The following TBC1D5 variants were observed in gnomAD, a reference collection of about 807,000 sequenced individuals.
TBC1D5 encodes TBC1 domain family, member 5.
A neutral mutation model predicts 100.3 loss-of-function variants in TBC1D5; 75 were observed. The observed-to-expected ratio is 0.75, with a 90% CI of 0.62 to 0.91. TBC1D5 has a LOEUF of 0.91. TBC1D5 is among the 40% of genes least tolerant of loss of function. The pLI is 0.00. For synonymous variants in TBC1D5, 323 were observed against 325.6 expected (o/e 0.99, Z 0.09); for missense variants, 910 against 942.4 (o/e 0.97, Z 0.45).
rs370684870 is a variant in TBC1D5, at chr3:17,267,913, G to A, written c.1246-9322C>T. ...TATTGTAAAAACCCATTCTTACCAAGGTCATTTGCTTCCACTGTATTTTTT... is the reference window on the plus strand; with the variant it reads ...TATTGTAAAAACCCATTCTTACCAAAGTCATTTGCTTCCACTGTATTTTTT... On this transcript the variant is annotated intron_variant, in intron 15 of 21. Transcript: ENST00000253692. Among the ~76,000 whole-genome samples, 14 of 152,122 alleles carry A rather than the reference G, an allele frequency of 9.2e-5. No individual in the cohort carries two copies. The East Asian group carries it at 9.7e-4, about 10-fold the overall frequency.
At chr3:17,187,061 T>C (rs1382168578) in intron 18 of TBC1D5, among the ~76,000 whole-genome samples, 1 of 152,184 alleles carries the variant, frequency 6.6e-6, no homozygotes, top group African/African-American at 2.4e-5. Context: ...GGCTTGAATT[T>C]CCCTCGTTAT....
chr3:17,467,286 CTT>C (rs11299814), intron 3 of TBC1D5, among the ~76,000 whole-genome samples: 35,724 of 121,592 alleles, frequency 0.29, 4,659 homozygotes, highest in Middle Eastern at 0.4. Flanking sequence ...GCCAGACCTT[CTT>C]TTTTTTTTTT....
At chr3:17,387,008 C>T (rs957635483) in intron 8 of TBC1D5, among the ~76,000 whole-genome samples, 13 of 152,080 alleles carry the variant, frequency 8.5e-5, no homozygotes, top group Admixed American at 1.3e-4. Flanking sequence ...AAACAGCACA[C>T]CAACTATGAT....
intron 8 of TBC1D5, among the ~76,000 whole-genome samples, chr3:17,390,585 G>A (rs2093322723): frequency 6.6e-6 from 1 of 152,078 alleles, no homozygotes; most frequent in Non-Finnish European, 1.5e-5. Flanking sequence ...ATAGGACAAA[G>A]AAGCACAGAA....
intron 13 of TBC1D5, among the ~76,000 whole-genome samples, chr3:17,352,979 G>GA (rs925999894): frequency 5.9e-5 from 9 of 151,662 alleles, no homozygotes; most frequent in Admixed American, 2.6e-4. Flanking sequence ...AACAGTAAAA[G>GA]AAAAAAAAGA....
intron 3 of TBC1D5, among the ~76,000 whole-genome samples, chr3:17,444,111 A>C (rs2094726857): frequency 6.6e-6 from 1 of 152,292 alleles, no homozygotes; most frequent in Admixed American, 6.5e-5. Context: ...TGTAAAAACT[A>C]ATTTAACCCA....
intron 3 of TBC1D5, among the ~76,000 whole-genome samples, chr3:17,485,691 A>G (rs912253562): frequency 1.3e-5 from 2 of 152,030 alleles, no homozygotes; most frequent in Non-Finnish European, 2.9e-5. Flanking sequence ...TTATGGCTGC[A>G]TAGTATTCCA....
chr3:17,493,583 T>G (rs1272317185), intron 3 of TBC1D5, among the ~76,000 whole-genome samples: 2 of 152,198 alleles, frequency 1.3e-5, no homozygotes, highest in Non-Finnish European at 2.9e-5. Context: ...GATTTGGTCT[T>G]TTTACATAAC....
At chr3:17,389,537 C>A (rs1356639691) in intron 8 of TBC1D5, among the ~76,000 whole-genome samples, 1 of 152,064 alleles carries the variant, frequency 6.6e-6, no homozygotes. Flanking sequence ...TATGAAAAGG[C>A]CATCGCGGGT....
At chr3:17,532,875 T>C (rs537092423) in intron 2 of TBC1D5, among the ~76,000 whole-genome samples, 8 of 151,236 alleles carry the variant, frequency 5.3e-5, no homozygotes, top group South Asian at 2.1e-4. Context: ...TTAGGAGATA[T>C]AGCGAATACT....
chr3:17,660,345 C>G (rs1478248885), intron 1 of TBC1D5, among the ~76,000 whole-genome samples: 1 of 152,148 alleles, frequency 6.6e-6, no homozygotes, highest in Non-Finnish European at 1.5e-5. Flanking sequence ...TACCTTTCCC[C>G]TCCCATAACT....
At chr3:17,654,180 C>T (rs563888000) in intron 1 of TBC1D5, among the ~76,000 whole-genome samples, 38 of 152,196 alleles carry the variant, frequency 2.5e-4, no homozygotes, top group African/African-American at 8.2e-4. Context: ...TAGGTTCCTA[C>T]TATATTTTAA....
rs567874206 is a variant in TBC1D5 at position 17,710,564 on chromosome 3, C to CGATA, written c.-101+28778_-101+28779insTATC. Among the ~76,000 whole-genome samples, 4 of 148,970 alleles carry CGATA rather than the reference C, an allele frequency of 2.7e-5. No homozygotes were observed. The South Asian group carries it at 8.5e-4, about 32-fold the overall frequency. On this transcript the variant is annotated intron_variant, in intron 1 of 21. Coordinates refer to ENST00000253692, the Ensembl canonical transcript of TBC1D5. ...GGGCAACAAGAGCAAAACTCCATCT[C>CGATA]AATAAATAAATAAATAAATAAATAA...
intron 13 of TBC1D5, among the ~76,000 whole-genome samples, chr3:17,352,569 T>C (rs769025775): frequency 6.6e-6 from 1 of 150,788 alleles, no homozygotes; most frequent in Non-Finnish European, 1.5e-5. Flanking sequence ...AACTAAATAA[T>C]GGGATGCAGA....
chr3:17,413,247 TGC>T (rs1201956864), intron 4 of TBC1D5, among the ~76,000 whole-genome samples: 4 of 152,196 alleles, frequency 2.6e-5, no homozygotes, highest in African/African-American at 9.7e-5. Flanking sequence ...CAGTACTGGC[TGC>T]CTTGGAAGCA....
intron 16 of TBC1D5, among the ~76,000 whole-genome samples, chr3:17,238,744 T>C (rs1378593316): frequency 6.6e-6 from 1 of 152,082 alleles, no homozygotes; most frequent in Non-Finnish European, 1.5e-5. Flanking sequence ...AGAGAAGAAG[T>C]ATATTAATCA....
At chr3:17,338,924 T>C (rs1436542333) in intron 13 of TBC1D5, among the ~76,000 whole-genome samples, 4 of 152,218 alleles carry the variant, frequency 2.6e-5, no homozygotes, top group Non-Finnish European at 5.9e-5. Flanking sequence ...TTTCTATCCC[T>C]GCCTTAAAGG....
In TBC1D5 at chr3:17,593,920, A is replaced by G. The variant is rs191864225; in HGVS notation, c.-36+29929T>C. Among the ~76,000 whole-genome samples, 68 of 152,306 alleles carry G rather than the reference A, an allele frequency of 4.5e-4. 1 individual carries two copies. Among genetic ancestry groups the G allele is most frequent in the Admixed American group, 1.3e-4 (2 of 15,302 alleles). ...TAATATATGGTACTGTTTCTCCCAT[A>G]GCCATGATTCACGGCTCTAGGAATC... is the stretch of plus-strand genomic sequence containing the variant. On this transcript the variant is annotated intron_variant, in intron 2 of 21. Coordinates refer to ENST00000253692, the Ensembl canonical transcript of TBC1D5.
At chr3:17,358,963 T>G (rs2091467931) in intron 13 of TBC1D5, among the ~76,000 whole-genome samples, 1 of 151,988 alleles carries the variant, frequency 6.6e-6, no homozygotes, top group Non-Finnish European at 1.5e-5. Context: ...AAAGAAATTT[T>G]TAGAAATAAA....
Sources: allele counts gnomAD v4.1 joint callset (sites outside exome capture counted in the v4.1 genomes callset), GRCh38; gene constraint gnomAD v4.1.1; transcripts MANE v1.5; gene names NCBI Gene and HGNC (gene_info 2026-07-23, HGNC 2026-07-21).